The following DAB1 variants were observed in gnomAD, a reference collection of about 807,000 sequenced individuals.
DAB1 encodes the protein DAB adaptor protein 1.
In DAB1, 15 loss-of-function variants were observed where a neutral mutation model predicts 64.6. That is an observed-to-expected ratio of 0.23 (90% confidence interval 0.16 to 0.36). The LOEUF (loss-of-function observed/expected upper bound fraction) is 0.36, where lower values mean the gene tolerates loss of function less well. DAB1 is among the 10% of genes least tolerant of loss of function. The pLI, the probability that DAB1 is intolerant of heterozygous loss-of-function variation, is 1.00. For synonymous variants in DAB1, 235 were observed against 251.9 expected (o/e 0.93, Z 0.64); for missense variants, 596 against 706.7 (o/e 0.84, Z 1.78).
At chr1:57,831,152 G>A (rs1010029664) in intron 1 of DAB1, among the ~76,000 whole-genome samples, 9 of 152,088 alleles carry the variant, frequency 5.9e-5, no homozygotes, top group African/African-American at 1.9e-4. Context: ...TGACCCCGTG[G>A]TCCGCCCACC....
intron 7 of DAB1, among the ~76,000 whole-genome samples, chr1:57,460,862 A>C (rs940516740): frequency 6.6e-5 from 10 of 152,156 alleles, no homozygotes; most frequent in Middle Eastern, 3.2e-3. Flanking sequence ...TCTCTCCTCA[A>C]ACTCTGCACA....
chr1:58,264,372 G>A (rs969538718), intron 4 of DAB1, among the ~76,000 whole-genome samples: 4 of 152,136 alleles, frequency 2.6e-5, no homozygotes, highest in African/African-American at 9.7e-5. Context: ...GTAATGTGTT[G>A]GCTTTCACTA....
chr1:58,389,820 GA>G (rs1189593687), intron 3 of DAB1, among the ~76,000 whole-genome samples: 2 of 152,146 alleles, frequency 1.3e-5, no homozygotes, highest in African/African-American at 4.8e-5. Flanking sequence ...GGTATAAATT[GA>G]ATTCTAAAGA....
At chr1:57,682,997 T>A (rs575977842) in intron 6 of DAB1, among the ~76,000 whole-genome samples, 1 of 152,270 alleles carries the variant, frequency 6.6e-6, no homozygotes, top group Non-Finnish European at 1.5e-5. Flanking sequence ...TCTGCCTGAA[T>A]AATTTCTTGG....
At position 57,640,549 on chromosome 1, in the gene DAB1, A is replaced by G. The variant is rs79899199; in HGVS notation, n.625+9043T>C. On this transcript the variant is annotated intron_variant and non_coding_transcript_variant, in intron 7 of 20. Coordinates refer to the DAB1 transcript ENST00000485760. The stretch of plus-strand genomic sequence containing the variant: ...AGCCTTAAGTTGGATTTTCAGCTTC[A>G]AAGCAGGGCCTCTATCCACTTCAAA... 8.3e-3 allele frequency among the ~76,000 whole-genome samples: 1,258 copies of G among 152,290 alleles called. 16 individuals carry two copies. The highest frequency in any genetic ancestry group is 0.029 in the African/African-American group (1,211 of 41,546).
intron 5 of DAB1, among the ~76,000 whole-genome samples, chr1:58,149,243 G>A (rs1654785945): frequency 6.6e-6 from 1 of 152,066 alleles, no homozygotes; most frequent in Non-Finnish European, 1.5e-5. Flanking sequence ...AAATTCTCTT[G>A]TTCTAGTGAA....
intron 6 of DAB1, among the ~76,000 whole-genome samples, chr1:57,759,755 G>A (rs1648981801): frequency 6.6e-6 from 1 of 152,126 alleles, no homozygotes; most frequent in South Asian, 2.1e-4. Context: ...AACCAGTTAG[G>A]AGCTAGAATA....
At chr1:58,276,138 A>G (rs1381098540) in intron 4 of DAB1, among the ~76,000 whole-genome samples, 1 of 152,202 alleles carries the variant, frequency 6.6e-6, no homozygotes, top group Admixed American at 6.5e-5. Flanking sequence ...AGAAAATAGA[A>G]TGGTGGTTGC....
intron 4 of DAB1, among the ~76,000 whole-genome samples, chr1:57,119,157 G>A (rs1403608832): frequency 6.6e-6 from 1 of 152,096 alleles, no homozygotes; most frequent in East Asian, 1.9e-4. Context: ...TTTACATACA[G>A]GGCAGTTCCC....
chr1:58,191,218 T>C (rs1657371379), intron 4 of DAB1, among the ~76,000 whole-genome samples: 1 of 152,240 alleles, frequency 6.6e-6, no homozygotes, highest in Non-Finnish European at 1.5e-5. Flanking sequence ...TAATATTTAC[T>C]GAGCACTTAC....
chr1:58,519,010 T>C (rs1442703696), intron 2 of DAB1, among the ~76,000 whole-genome samples: 1 of 152,172 alleles, frequency 6.6e-6, no homozygotes, highest in Non-Finnish European at 1.5e-5. Flanking sequence ...GCAGTATGGT[T>C]CCAGAGTTCA....
intron 2 of DAB1, among the ~76,000 whole-genome samples, chr1:57,231,074 T>C (rs1026721123): frequency 1.3e-5 from 2 of 152,200 alleles, no homozygotes; most frequent in East Asian, 1.9e-4. Context: ...ACAATTGATA[T>C]ATAGGCAACC....
intron 6 of DAB1, among the ~76,000 whole-genome samples, chr1:57,660,439 C>T (rs910257876): frequency 1.1e-4 from 16 of 152,200 alleles, no homozygotes; most frequent in Non-Finnish European, 2.1e-4. Context: ...TTACGGAACT[C>T]TTGAGAGATA....
chr1:57,830,592 T>C (rs768234960), intron 1 of DAB1, among the ~76,000 whole-genome samples: 1 of 152,054 alleles, frequency 6.6e-6, no homozygotes, highest in African/African-American at 2.4e-5. Flanking sequence ...ATGAAAAATA[T>C]ATATATATAT....
intron 3 of DAB1, among the ~76,000 whole-genome samples, chr1:58,447,615 C>G (rs901634329): frequency 2.6e-5 from 4 of 152,026 alleles, no homozygotes; most frequent in Non-Finnish European, 5.9e-5. Flanking sequence ...AACAAACGCT[C>G]GTCAGTGCTA....
intron 7 of DAB1, among the ~76,000 whole-genome samples, chr1:57,456,481 A>C (rs1686596938): frequency 1.3e-5 from 2 of 152,194 alleles, no homozygotes; most frequent in South Asian, 4.1e-4. Flanking sequence ...ATTTAAAATA[A>C]AAATGCTTGA....
At chr1:58,411,736 T>G (rs1215658925) in intron 3 of DAB1, among the ~76,000 whole-genome samples, 1 of 152,194 alleles carries the variant, frequency 6.6e-6, no homozygotes, top group Non-Finnish European at 1.5e-5. Flanking sequence ...GCCACTTCCT[T>G]TTCAGAGAGC....
intron 5 of DAB1, among the ~76,000 whole-genome samples, chr1:58,133,814 C>T (rs1341146579): frequency 6.6e-6 from 1 of 152,208 alleles, no homozygotes; most frequent in African/African-American, 2.4e-5. Flanking sequence ...AGCTTGGTGG[C>T]ATCAGTGAAT....
At chr1:58,343,264 G>GATGGATGC (rs1044763887) in intron 4 of DAB1, 4 of 150,028 alleles carry the variant, frequency 2.7e-5, no homozygotes, top group African/African-American at 9.8e-5. Flanking sequence ...TGGATGGATG[G>GATGGATGC]ATGGATGGAT....
Sources: gnomAD v4.1 joint callset for allele counts (sites outside exome capture counted in the v4.1 genomes callset) on GRCh38, gnomAD v4.1.1 for gene constraint, MANE v1.5 for transcripts, NCBI Gene and HGNC (gene_info 2026-07-23, HGNC 2026-07-21) for gene names.